Variants in NEK6 observed in about 807,000 individuals in gnomAD.
The protein encoded by NEK6 is NIMA related kinase 6, also known as serine/threonine-protein kinase Nek6.
In NEK6, 27 loss-of-function variants were observed where a neutral mutation model predicts 43.5. The observed-to-expected ratio is 0.62, with a 90% confidence interval of 0.46 to 0.86. The LOEUF is 0.86. Ranked by LOEUF, NEK6 falls within the 40% of genes least tolerant of loss-of-function variation. NEK6 has a pLI of 0.00. For synonymous variants in NEK6, 167 were observed against 164.1 expected (o/e 1.02, Z -0.14); for missense variants, 318 against 414.4 (o/e 0.77, Z 2.02).
rs1831619809 is a variant in NEK6 at position 124,275,616 on chromosome 9, C to T, written c.-30+17531C>T. Among the ~76,000 whole-genome samples the T allele has an allele frequency of 6.6e-6, 1 of 152,230 alleles. No homozygotes were observed. Among genetic ancestry groups the T allele is most frequent in the African/African-American group, 2.4e-5 (1 of 41,466 alleles). ...ACCCCTGCTTGGTGCCTCCATAGCCCCTTCTGCATCTTCCCCAACATGGCC... is the reference window on the plus strand; with the variant it reads ...ACCCCTGCTTGGTGCCTCCATAGCCTCTTCTGCATCTTCCCCAACATGGCC... On this transcript the variant is annotated intron_variant, in intron 1 of 9. Transcript: ENST00000320246. The surrounding 1 kb of genome is among the most constrained non-coding windows in gnomAD (Gnocchi z 4.4).
At chr9:124,299,416 C>G (rs1023932487) in intron 1 of NEK6, among the ~76,000 whole-genome samples, 3 of 152,194 alleles carry the variant, frequency 2.0e-5, no homozygotes, top group Non-Finnish European at 2.9e-5. Context: ...ACATTCTGCT[C>G]TCTCTCATAT....
In NEK6 at chr9:124,335,629, G is replaced by A. The variant is rs7873926; in HGVS notation, c.623-3942G>A. Reference sequence around the variant, plus strand: ...GCCGCCACATAGCTCACAGGCAGGCGGACTCATTCATCCAGTGAGCGGACG... The same window carrying A: ...GCCGCCACATAGCTCACAGGCAGGCAGACTCATTCATCCAGTGAGCGGACG... On this transcript the variant is annotated intron_variant, in intron 7 of 9. Transcript: ENST00000320246. Among the ~76,000 whole-genome samples, 707 of 152,298 alleles carry A rather than the reference G, an allele frequency of 4.6e-3. 3 individuals carry two copies. The highest frequency in any genetic ancestry group is 0.016 in the African/African-American group (674 of 41,562).
intron 8 of NEK6, among the ~76,000 whole-genome samples, chr9:124,344,734 C>T (rs537884767): frequency 1.3e-5 from 2 of 152,334 alleles, no homozygotes; most frequent in South Asian, 4.1e-4. Context: ...CATTCAGTGC[C>T]AGTCCCAGGA....
Position 124,292,155 on chromosome 9 carries a change from A to G in NEK6, c.-29-9781A>G. 12 of 1,228,752 alleles carry G rather than the reference A, an allele frequency of 9.8e-6. No individual in the cohort carries two copies. In the South Asian group the frequency reaches 1.9e-4, roughly 19 times the overall value. The allele number at this position is 1,228,752 out of a possible 1,614,324, so 76.1% of individuals were successfully genotyped here. Reference sequence around the variant, plus strand: ...CTCTTAGGGGTGTGTCCAGCGAGGGATGGGGAACCAGGCCCCAGGGACCTC... The same window carrying G: ...CTCTTAGGGGTGTGTCCAGCGAGGGGTGGGGAACCAGGCCCCAGGGACCTC... On this transcript the variant is annotated intron_variant, in intron 1 of 9. Transcript: ENST00000320246.
intron 1 of NEK6, among the ~76,000 whole-genome samples, chr9:124,300,796 G>C (rs570343160): frequency 2.0e-5 from 3 of 146,788 alleles, no homozygotes; most frequent in Non-Finnish European, 4.5e-5. Flanking sequence ...GGCCACCGCA[G>C]GGGAGGGGGC....
chr9:124,333,851 C>T (rs1412020759), intron 7 of NEK6, among the ~76,000 whole-genome samples: 1 of 148,510 alleles, frequency 6.7e-6, no homozygotes, highest in Non-Finnish European at 1.5e-5. Context: ...GATCTCGGCT[C>T]ACTACAACCT....
intron 7 of NEK6, among the ~76,000 whole-genome samples, chr9:124,333,476 C>T (rs902623245): frequency 3.9e-5 from 6 of 152,206 alleles, no homozygotes; most frequent in African/African-American, 1.4e-4. Context: ...GGACCCTGTG[C>T]TGCCAGGCTC....
At chr9:124,335,086 C>T (rs1829219493) in intron 7 of NEK6, among the ~76,000 whole-genome samples, 1 of 152,168 alleles carries the variant, frequency 6.6e-6, no homozygotes, top group African/African-American at 2.4e-5. Context: ...CTGTGTGCAC[C>T]CCATCAGCCC....
At chr9:124,296,899 C>T (rs1424564268) in intron 1 of NEK6, among the ~76,000 whole-genome samples, 6 of 152,252 alleles carry the variant, frequency 3.9e-5, no homozygotes, top group African/African-American at 9.6e-5. Flanking sequence ...CTTGGAACCT[C>T]AGAGCCAGCC....
chr9:124,325,047 C>T (rs992265399), intron 5 of NEK6, among the ~76,000 whole-genome samples: 3 of 152,114 alleles, frequency 2.0e-5, no homozygotes, highest in Admixed American at 1.3e-4. Context: ...TGGTGGCGCA[C>T]ACCTGTAATC....
intron 4 of NEK6, among the ~76,000 whole-genome samples, chr9:124,314,487 GGT>G (rs1358930333): frequency 1.3e-4 from 19 of 151,008 alleles, no homozygotes; most frequent in African/African-American, 4.6e-4. Context: ...TGGTGGTGGT[GGT>G]GGTGGTGGGT....
intron 9 of NEK6, among the ~76,000 whole-genome samples, chr9:124,348,030 C>A (rs1012126768): frequency 2.6e-5 from 4 of 152,186 alleles, no homozygotes; most frequent in Admixed American, 6.5e-5. Flanking sequence ...CAGTGTGGGA[C>A]CCCCAGGTAG....
intron 2 of NEK6, among the ~76,000 whole-genome samples, chr9:124,306,232 T>C (rs1833249382): frequency 6.6e-6 from 1 of 152,100 alleles, no homozygotes; most frequent in South Asian, 2.1e-4. Flanking sequence ...CAGCTGGAAC[T>C]CTTTGTGGTT....
At chr9:124,266,048 G>A (rs766639345) in intron 1 of NEK6, among the ~76,000 whole-genome samples, 2 of 152,190 alleles carry the variant, frequency 1.3e-5, no homozygotes, top group Non-Finnish European at 2.9e-5. Flanking sequence ...GCAGTGAGGG[G>A]TGTTTGAACC....
chr9:124,305,677 T>A (rs1833221747), intron 2 of NEK6, among the ~76,000 whole-genome samples: 1 of 152,058 alleles, frequency 6.6e-6, no homozygotes, highest in Non-Finnish European at 1.5e-5. Flanking sequence ...CTTTGGGGGC[T>A]CCCAGTCTGC....
Position 124,324,492 on chromosome 9 carries a change from C to T in NEK6, c.406-1838C>T, listed in dbSNP as rs1200238525. 5.3e-5 allele frequency among the ~76,000 whole-genome samples: 8 copies of T among 152,224 alleles called. No individual in the cohort carries two copies. Among genetic ancestry groups the T allele is most frequent in the African/African-American group, 4.8e-5 (2 of 41,456 alleles). On this transcript the variant is annotated intron_variant, in intron 5 of 9. Coordinates refer to ENST00000320246, the MANE Select transcript of NEK6 (RefSeq NM_014397.6). This position sits in a 1 kb window ranked among gnomAD's most constrained non-coding sequence, Gnocchi z 5.3. ...ACCCACCAGAGACTCTGCGCCTCCC[C>T]GCTAAATGTCAGACAGCGCTTATAG...
In NEK6 at chr9:124,334,771, G is replaced by A. The variant is rs549083933; in HGVS notation, c.623-4800G>A. Among the ~76,000 whole-genome samples, 28 of 152,318 alleles carry A rather than the reference G, an allele frequency of 1.8e-4. 1 individual carries two copies. Among genetic ancestry groups the A allele is most frequent in the Admixed American group, 1.4e-3 (22 of 15,308 alleles). On this transcript the variant is annotated intron_variant, in intron 7 of 9. Transcript: ENST00000320246. Reference sequence around the variant, plus strand: ...GGCTGGGGCTGGGGCTGGAGTAGCCGCTGTGGGAGGACCCGGGCTGAGGGC... The same window carrying A: ...GGCTGGGGCTGGGGCTGGAGTAGCCACTGTGGGAGGACCCGGGCTGAGGGC...
At chr9:124,285,577 G>A (rs1832118930) in intron 1 of NEK6, among the ~76,000 whole-genome samples, 1 of 152,194 alleles carries the variant, frequency 6.6e-6, no homozygotes, top group African/African-American at 2.4e-5. Flanking sequence ...CAGAGTTCAT[G>A]GAAGAGGCAG....
In NEK6 at chr9:124,343,318, G is replaced by C. The variant is rs1374421031; in HGVS notation, c.717+3653G>C. 6.6e-6 allele frequency among the ~76,000 whole-genome samples: 1 copy of C among 150,686 alleles called. No homozygotes were observed. Among genetic ancestry groups the C allele is most frequent in the Non-Finnish European group, 1.5e-5 (1 of 67,548 alleles). ...TACCGATCGCAGCGAGGGGTGGTGTGGGGGGACAGATCACAGCCAGGGGTG... is the reference window on the plus strand; with the variant it reads ...TACCGATCGCAGCGAGGGGTGGTGTCGGGGGACAGATCACAGCCAGGGGTG... On this transcript the variant is annotated intron_variant, in intron 8 of 9. Transcript: ENST00000320246. This position sits in a 1 kb window ranked among gnomAD's most constrained non-coding sequence, Gnocchi z 5.1.
Sources: gnomAD v4.1 joint callset for allele counts (sites outside exome capture counted in the v4.1 genomes callset) on GRCh38, gnomAD v4.1.1 for gene constraint, Gnocchi (gnomAD v3.1) non-coding constraint, MANE v1.5 for transcripts, NCBI Gene and HGNC (gene_info 2026-07-23, HGNC 2026-07-21) for gene names.